PPME1: variants seen among roughly 807,000 people sequenced by gnomAD.
The protein encoded by PPME1 is protein phosphatase methylesterase 1.
A neutral mutation model predicts 56.9 loss-of-function variants in PPME1; 17 were observed. The observed-to-expected ratio is 0.30, with a 90% CI of 0.20 to 0.45. The LOEUF is 0.45. Among genes scored for constraint, PPME1 ranks in the 20% least tolerant of loss-of-function variants. PPME1 has a pLI of 1.00. For missense variants in PPME1, 357 were observed against 483.2 expected (o/e 0.74, Z 2.45); for synonymous variants, 122 against 156.2 (o/e 0.78, Z 1.63).
At chr11:74,208,167 C>A (rs933413758) in intron 3 of PPME1, among the ~76,000 whole-genome samples, 12 of 151,976 alleles carry the variant, frequency 7.9e-5, no homozygotes, top group African/African-American at 2.9e-4. Flanking sequence ...CAAAAATTAG[C>A]TGGGCATGGT....
chr11:74,214,214 T>TCC (rs752106899), intron 3 of PPME1, among the ~76,000 whole-genome samples: 1 of 151,842 alleles, frequency 6.6e-6, no homozygotes, highest in Non-Finnish European at 1.5e-5. Flanking sequence ...TGCATCAGAG[T>TCC]CTCTTAACAT....
chr11:74,207,793 C>A (rs1407859008), intron 3 of PPME1, among the ~76,000 whole-genome samples: 1 of 152,160 alleles, frequency 6.6e-6, no homozygotes. Context: ...CTCATTAGCA[C>A]ATGCAGCTGC....
chr11:74,220,341 G>A lies in PPME1; in HGVS notation c.289-1971G>A, dbSNP rs527811684. On this transcript the variant is annotated intron_variant, in intron 3 of 13. Transcript: ENST00000328257. The stretch of plus-strand genomic sequence containing the variant: ...AATCTTGTCTCTGTTCTCTAGTCTC[G>A]GGTTAGGATAGTGGGCCTTCATTTT... Among the ~76,000 whole-genome samples, 12 of 152,212 alleles carry A rather than the reference G, an allele frequency of 7.9e-5. No individual in the cohort carries two copies. The East Asian group carries it at 2.1e-3, about 27-fold the overall frequency.
intron 9 of PPME1, among the ~76,000 whole-genome samples, chr11:74,240,817 T>C (rs1859337712): frequency 1.3e-5 from 2 of 152,198 alleles, no homozygotes; most frequent in African/African-American, 4.8e-5. Context: ...ATTTAGTAGA[T>C]TTGAGACTCT....
chr11:74,230,183 G>T lies in PPME1; in HGVS notation c.399-62G>T. The T allele has an allele frequency of 1.3e-6, 2 of 1,534,512 alleles. No homozygotes were observed. The highest frequency in any genetic ancestry group is 1.8e-6 in the Non-Finnish European group (2 of 1,139,652). Reference sequence around the variant, plus strand: ...CACACCAAAGAAAGGAACTGGGAAAGAAAACCATTTTTACAGTGTTGTCAG... The same window carrying T: ...CACACCAAAGAAAGGAACTGGGAAATAAAACCATTTTTACAGTGTTGTCAG... On this transcript the variant is annotated intron_variant, in intron 5 of 13. Coordinates refer to ENST00000328257, the MANE Select transcript of PPME1 (RefSeq NM_016147.3). This position sits in a 1 kb window ranked among gnomAD's most constrained non-coding sequence, Gnocchi z 4.9.
chr11:74,247,186 A>G (rs922502909), intron 11 of PPME1, 63 bp downstream of exon 11: 1 of 1,409,568 alleles, frequency 7.1e-7, no homozygotes, highest in South Asian at 1.2e-5. Flanking sequence ...AGGGCAGTTA[A>G]CATCCTGAGA....
At chr11:74,235,653 G>T in intron 7 of PPME1, 1 of 465,474 alleles carries the variant, frequency 2.1e-6, no homozygotes, top group Non-Finnish European at 3.8e-6. Flanking sequence ...TTGAATACAG[G>T]CCTGGCACCT....
chr11:74,234,525 T>G (rs370998096), intron 7 of PPME1, among the ~76,000 whole-genome samples: 2 of 152,156 alleles, frequency 1.3e-5, no homozygotes, highest in Non-Finnish European at 2.9e-5. Flanking sequence ...ATTAAGTGTT[T>G]GTAGAAGGAG....
chr11:74,243,157 A>G (rs1020431253), intron 9 of PPME1, among the ~76,000 whole-genome samples: 2 of 152,056 alleles, frequency 1.3e-5, no homozygotes, highest in Non-Finnish European at 2.9e-5. Flanking sequence ...CAACAAGTGG[A>G]TCTCATTATA....
intron 3 of PPME1, among the ~76,000 whole-genome samples, chr11:74,219,386 G>A (rs187198567): frequency 4.6e-5 from 7 of 150,614 alleles, no homozygotes; most frequent in South Asian, 2.1e-4. Flanking sequence ...CAGCAATCCC[G>A]CTACTATGTA....
intron 3 of PPME1, among the ~76,000 whole-genome samples, chr11:74,209,314 G>T (rs1013038745): frequency 5.9e-5 from 9 of 152,048 alleles, no homozygotes; most frequent in African/African-American, 2.2e-4. Flanking sequence ...TATTGCCCAG[G>T]TTGGTCTTGA....
chr11:74,192,454 A>G (rs1459292016), intron 1 of PPME1, among the ~76,000 whole-genome samples: 1 of 152,084 alleles, frequency 6.6e-6, no homozygotes, highest in African/African-American at 2.4e-5. Flanking sequence ...TGATGCTGAA[A>G]CAAGTTAAGA....
intron 9 of PPME1, among the ~76,000 whole-genome samples, chr11:74,244,013 A>T (rs544196205): frequency 1.3e-5 from 2 of 152,260 alleles, no homozygotes; most frequent in South Asian, 4.2e-4. Context: ...ACCTCATATA[A>T]GTGGGATCAT....
At chr11:74,208,372 A>G (rs1014837139) in intron 3 of PPME1, among the ~76,000 whole-genome samples, 16 of 152,048 alleles carry the variant, frequency 1.1e-4, no homozygotes, top group Admixed American at 2.6e-4. Flanking sequence ...GCAAATACTT[A>G]CTAAACCCCT....
intron 3 of PPME1, among the ~76,000 whole-genome samples, chr11:74,220,970 A>G (rs1160419118): frequency 1.3e-5 from 2 of 152,170 alleles, no homozygotes; most frequent in South Asian, 4.1e-4. Flanking sequence ...TAGAATGTAG[A>G]TATCATGAGA....
chr11:74,180,808 A>G (rs145221309), intron 1 of PPME1, among the ~76,000 whole-genome samples: 1 of 152,206 alleles, frequency 6.6e-6, no homozygotes, highest in Non-Finnish European at 1.5e-5. Context: ...ATAGTATTCA[A>G]TTTTTCTGCC....
chr11:74,251,561 G>T, intron 12 of PPME1, 87 bp from the exon 13 acceptor site: 1 of 1,565,662 alleles, frequency 6.4e-7, no homozygotes. Flanking sequence ...GCACCGTAGA[G>T]CCTAACCATC....
intron 1 of PPME1, 48 bp from the exon 2 acceptor site, chr11:74,203,680 T>C (rs1210764063): frequency 7.0e-7 from 1 of 1,428,336 alleles, no homozygotes; most frequent in South Asian, 1.2e-5. Flanking sequence ...AGATTTTATC[T>C]CTTTATGCAT....
At position 74,230,703 on chromosome 11, in the gene PPME1, G is replaced by A. The variant is rs1859044031; in HGVS notation, c.554-209G>A. ...AGCTTCAGAAGTCACACTGCTGCTT[G>A]TGAATACAAGTCATCCTCTTCAGTG... is the stretch of plus-strand genomic sequence containing the variant. On this transcript the variant is annotated intron_variant, in intron 6 of 13. Transcript: ENST00000328257. This position sits in a 1 kb window ranked among gnomAD's most constrained non-coding sequence, Gnocchi z 4.9. 4 of 601,442 alleles carry A rather than the reference G, an allele frequency of 6.7e-6. No individual in the cohort carries two copies. The East Asian group carries it at 1.1e-4, about 17-fold the overall frequency. The allele number at this position is 601,442 out of a possible 1,614,324, so 37.3% of individuals were successfully genotyped here.
Sources: gnomAD v4.1 joint callset for allele counts (sites outside exome capture counted in the v4.1 genomes callset) on GRCh38, gnomAD v4.1.1 for gene constraint, Gnocchi (gnomAD v3.1) non-coding constraint, MANE v1.5 for transcripts, NCBI Gene and HGNC (gene_info 2026-07-23, HGNC 2026-07-21) for gene names.